The following PKD2L1 variants were observed in gnomAD, a reference collection of about 807,000 sequenced individuals.
The protein encoded by PKD2L1 is polycystin-2-like protein 1.
Under a neutral mutation model 93.0 loss-of-function variants are expected in PKD2L1, and 77 were observed. The observed-to-expected ratio is 0.83, with a 90% confidence interval of 0.69 to 1.00. The LOEUF is 1.00. PKD2L1 is among the 50% of genes least tolerant of loss of function. The pLI, the probability that PKD2L1 is intolerant of heterozygous loss-of-function variation, is 0.00. For missense variants in PKD2L1, 977 were observed against 990.9 expected (o/e 0.99, Z 0.19); for synonymous variants, 390 against 388.0 (o/e 1.01, Z -0.06).
intron 2 of PKD2L1, among the ~76,000 whole-genome samples, chr10:100,306,137 A>G (rs1848794916): frequency 6.6e-6 from 1 of 152,108 alleles, no homozygotes; most frequent in South Asian, 2.1e-4. Flanking sequence ...AACAAAAACA[A>G]AAACAAACCA....
intron 2 of PKD2L1, among the ~76,000 whole-genome samples, chr10:100,312,058 T>C (rs1848946793): frequency 6.6e-6 from 1 of 152,164 alleles, no homozygotes; most frequent in Non-Finnish European, 1.5e-5. Context: ...GTGAATGTTA[T>C]TGGGTCATTC....
chr10:100,291,859 C>T (rs923441477), intron 11 of PKD2L1, among the ~76,000 whole-genome samples: 5 of 152,062 alleles, frequency 3.3e-5, no homozygotes. Context: ...TCAGTGTGGT[C>T]CTTGCCTGTT....
chr10:100,297,419 C>G lies in PKD2L1; in HGVS notation c.919G>C (p.Val307Leu). ...AAAAGATTGATATTGGCATTGTAGA[C>G]TGAGAAGTCGATGAACACCACTCGA... is the stretch of plus-strand genomic sequence containing the variant. ...GTRVVFIDFSVYNANINLFCV... is the reference protein window; with the variant it reads ...GTRVVFIDFSLYNANINLFCV... The change falls in exon 5 of 16, where the codon GTC becomes CTC. Residue 307 changes from valine (V) to leucine (L), a missense_variant. By Grantham distance (32) the Val-to-Leu change is conservative (BLOSUM62 1). Transcript: ENST00000318222. 6.2e-7 allele frequency: 1 copy of G among 1,614,078 alleles called. No individual in the cohort carries two copies. The highest frequency in any genetic ancestry group is 8.5e-7 in the Non-Finnish European group (1 of 1,180,000).
Position 100,330,143 on chromosome 10 carries a change from C to T in PKD2L1, c.-40G>A, listed in dbSNP as rs775944775. ...GGGGGCCCGGTACCCCAGGTGCCCA[C>T]TCTCAGCTAGAGGAAGAGGGAGCAG... On this transcript the variant is annotated 5_prime_UTR_variant, in exon 1 of 16. The change creates a new upstream start codon in the 5' untranslated region. Coordinates refer to ENST00000318222, the MANE Select transcript of PKD2L1 (RefSeq NM_016112.3). 1.3e-5 allele frequency: 17 copies of T among 1,319,454 alleles called. No homozygotes were observed. The highest frequency in any genetic ancestry group is 1.8e-5 in the Non-Finnish European group (17 of 946,356). The allele number at this position is 1,319,454 out of a possible 1,614,324, so 81.7% of individuals were successfully genotyped here.
At chr10:100,290,259 G>A (rs1848376183) in intron 13 of PKD2L1, 121 bp from the exon 14 acceptor site, 4 of 1,370,188 alleles carry the variant, frequency 2.9e-6, no homozygotes, top group Non-Finnish European at 2.0e-6. Context: ...GGAAGACCCA[G>A]CCTTGTAGGC....
At chr10:100,318,675 C>T (rs1849157583) in intron 2 of PKD2L1, among the ~76,000 whole-genome samples, 1 of 149,608 alleles carries the variant, frequency 6.7e-6, no homozygotes, top group African/African-American at 2.5e-5. Flanking sequence ...TCTGCCACCA[C>T]ACCCAGCTAA....
chr10:100,300,360 A>G (rs1393864094), intron 2 of PKD2L1, among the ~76,000 whole-genome samples: 1 of 151,412 alleles, frequency 6.6e-6, no homozygotes, highest in Non-Finnish European at 1.5e-5. Context: ...TCACCCTGTG[A>G]TTCTCCCTGT....
chr10:100,328,551 C>A (rs770373775), intron 2 of PKD2L1, among the ~76,000 whole-genome samples: 22 of 151,824 alleles, frequency 1.4e-4, no homozygotes, highest in Non-Finnish European at 2.5e-4. Context: ...GTGAAGCCCA[C>A]CAAACTATCT....
At chr10:100,306,790 C>G (rs1848809694) in intron 2 of PKD2L1, among the ~76,000 whole-genome samples, 1 of 128,998 alleles carries the variant, frequency 7.8e-6, no homozygotes, top group Admixed American at 9.7e-5. Context: ...CTTAGGAGAT[C>G]AAGGCTGCAG....
At chr10:100,321,672 AAAGAAAGAAAGAAAGAAAGAAAG>A (rs1643274088) in intron 2 of PKD2L1, among the ~76,000 whole-genome samples, 4 of 530 alleles carry the variant, frequency 7.5e-3, no homozygotes, top group East Asian at 0.083. Flanking sequence ...GAAAAGAAAG[AAAGAAAGAAAGAAAGAAAGAAAG>A]AAAGAAAGAA....
chr10:100,325,142 A>G (rs1049359700), intron 2 of PKD2L1, among the ~76,000 whole-genome samples: 2 of 152,192 alleles, frequency 1.3e-5, no homozygotes, highest in African/African-American at 4.8e-5. Context: ...CCCAATTCCG[A>G]TACTGCAGAC....
intron 2 of PKD2L1, among the ~76,000 whole-genome samples, chr10:100,307,707 A>G (rs1340368781): frequency 6.6e-6 from 1 of 152,144 alleles, no homozygotes; most frequent in African/African-American, 2.4e-5. Flanking sequence ...AGCTACATAA[A>G]AGGCAGTCCT....
chr10:100,297,068 T>C lies in PKD2L1; in HGVS notation c.1097A>G (p.Tyr366Cys), dbSNP rs747361185. ...EVIFCVFIFY[Y>C]VVEEILELHI... ...GAGCTCCAGGATCTCTTCCACCACA[T>C]AGTAGAAGATGAAGACGCAGAAGAT... Residue 366 changes from tyrosine to cysteine, a missense_variant, in exon 6 of 16, where the codon TAT (tyrosine) becomes TGT (cysteine). Physicochemically the swap from Tyr to Cys is radical, Grantham distance 194. Coordinates refer to ENST00000318222, the MANE Select transcript of PKD2L1 (RefSeq NM_016112.3). 5 of 1,613,862 alleles carry C rather than the reference T, an allele frequency of 3.1e-6. No homozygotes were observed. Among genetic ancestry groups the C allele is most frequent in the Admixed American group, 1.7e-5 (1 of 59,986 alleles).
Position 100,305,016 on chromosome 10 carries a change from G to A in PKD2L1, c.350-5298C>T, listed in dbSNP as rs1017851394. Among the ~76,000 whole-genome samples the A allele has an allele frequency of 9.2e-5, 14 of 152,164 alleles. No homozygotes were observed. In the East Asian group the frequency reaches 2.1e-3, roughly 23 times the overall value. Reference sequence around the variant, plus strand: ...AAGTAGTTGAGTAGCTTCCCAATAAGTGTTTGTTGGTTGAACCAACAGTGG... The same window carrying A: ...AAGTAGTTGAGTAGCTTCCCAATAAATGTTTGTTGGTTGAACCAACAGTGG... On this transcript the variant is annotated intron_variant, in intron 2 of 15. Coordinates refer to ENST00000318222, the MANE Select transcript of PKD2L1 (RefSeq NM_016112.3).
At chr10:100,289,990 G>C (rs200921280) in intron 14 of PKD2L1, 25 bp downstream of exon 14, 2 of 1,613,880 alleles carry the variant, frequency 1.2e-6, no homozygotes, top group Non-Finnish European at 1.7e-6. Context: ...GAGGAACTAG[G>C]AGGACCAGGT....
At chr10:100,293,514 A>T (rs563474881) in intron 9 of PKD2L1, 135 bp from the exon 10 acceptor site, 1 of 639,150 alleles carries the variant, frequency 1.6e-6, no homozygotes, top group East Asian at 2.8e-5. Context: ...CAGCCCATCA[A>T]TCCCTGCCTC....
At chr10:100,309,220 T>C (rs913449442) in intron 2 of PKD2L1, among the ~76,000 whole-genome samples, 21 of 152,274 alleles carry the variant, frequency 1.4e-4, no homozygotes, top group Admixed American at 4.6e-4. Context: ...CAAAACTGTA[T>C]CCATACAATG....
At chr10:100,324,486 G>T (rs1171991556) in intron 2 of PKD2L1, among the ~76,000 whole-genome samples, 1 of 152,124 alleles carries the variant, frequency 6.6e-6, no homozygotes, top group Non-Finnish European at 1.5e-5. Flanking sequence ...TATCTCCATA[G>T]TTCTGTCTTT....
At chr10:100,318,096 G>A (rs909801858) in intron 2 of PKD2L1, among the ~76,000 whole-genome samples, 3 of 151,056 alleles carry the variant, frequency 2.0e-5, no homozygotes, top group Admixed American at 2.0e-4. Flanking sequence ...AAAAAAAAAA[G>A]AGAGAAGAAA....
Sources: allele counts gnomAD v4.1 joint callset (sites outside exome capture counted in the v4.1 genomes callset), GRCh38; gene constraint gnomAD v4.1.1; transcripts MANE v1.5; gene names NCBI Gene and HGNC (gene_info 2026-07-23, HGNC 2026-07-21).